CCSER1: variants seen among roughly 807,000 people sequenced by gnomAD.
The protein encoded by CCSER1 is serine-rich coiled-coil domain-containing protein 1.
Under a neutral mutation model 82.0 loss-of-function variants are expected in CCSER1, and 41 were observed. The ratio of observed to expected loss-of-function variants is 0.50; its 90% CI spans 0.39 to 0.65. The LOEUF is 0.65. Ranked by LOEUF, CCSER1 falls within the 30% of genes least tolerant of loss-of-function variation. The pLI, the probability that CCSER1 is intolerant of heterozygous loss-of-function variation, is 0.00. For synonymous variants in CCSER1, 414 were observed against 383.9 expected (o/e 1.08, Z -0.92); for missense variants, 1,119 against 1,064.2 (o/e 1.05, Z -0.72).
chr4:91,199,979 T>G lies in CCSER1; in HGVS notation c.2217+113985T>G, dbSNP rs936078386. Among the ~76,000 whole-genome samples, 12 of 152,040 alleles carry G rather than the reference T, an allele frequency of 7.9e-5. 1 individual carries two copies. The highest frequency in any genetic ancestry group is 1.8e-4 in the Non-Finnish European group (12 of 67,934). ...TATTTCAGATTCAGAGAATTGTCTT[T>G]TTTTAGTACTAATTAAAACATTCAA... On this transcript the variant is annotated intron_variant, in intron 10 of 10. Coordinates refer to ENST00000509176, the MANE Select transcript of CCSER1 (RefSeq NM_001145065.2).
chr4:91,020,896 A>T (rs1739898846), intron 9 of CCSER1, among the ~76,000 whole-genome samples: 1 of 152,150 alleles, frequency 6.6e-6, no homozygotes, highest in Non-Finnish European at 1.5e-5. Context: ...AAGGCGATCT[A>T]CTTACTATAC....
chr4:90,781,418 C>T (rs1250100832), intron 7 of CCSER1: 1 of 985,236 alleles, frequency 1.0e-6, no homozygotes, highest in African/African-American at 1.7e-5. Context: ...CTCTGTAATA[C>T]TAACCTAACT....
At chr4:90,715,884 T>G (rs1455752527) in intron 6 of CCSER1, among the ~76,000 whole-genome samples, 30 of 152,036 alleles carry the variant, frequency 2.0e-4, no homozygotes, top group Non-Finnish European at 4.4e-5. Context: ...GCAGAAAATA[T>G]AAGATTATTC....
intron 10 of CCSER1, among the ~76,000 whole-genome samples, chr4:91,399,964 G>A (rs1449720764): frequency 6.6e-6 from 1 of 151,870 alleles, no homozygotes; most frequent in Non-Finnish European, 1.5e-5. Flanking sequence ...TAGTTCTAAA[G>A]TCTGTATCAT....
At chr4:91,213,539 C>T (rs1208049214) in intron 10 of CCSER1, among the ~76,000 whole-genome samples, 2 of 151,724 alleles carry the variant, frequency 1.3e-5, no homozygotes, top group Non-Finnish European at 2.9e-5. Flanking sequence ...GTATGTTTGT[C>T]CTCTGTAAAG....
chr4:91,314,558 A>G (rs958271701), intron 10 of CCSER1, among the ~76,000 whole-genome samples: 7 of 152,042 alleles, frequency 4.6e-5, no homozygotes, highest in Admixed American at 1.3e-4. Context: ...GATGTATCCC[A>G]GACTAGCTCT....
intron 4 of CCSER1, among the ~76,000 whole-genome samples, chr4:90,457,915 G>T (rs113388076): frequency 6.6e-6 from 1 of 152,090 alleles, no homozygotes; most frequent in Non-Finnish European, 1.5e-5. Flanking sequence ...TCTCTTTGCC[G>T]TCCCTCCCAT....
At chr4:90,997,157 G>A (rs1737570907) in intron 9 of CCSER1, among the ~76,000 whole-genome samples, 1 of 152,110 alleles carries the variant, frequency 6.6e-6, no homozygotes, top group Non-Finnish European at 1.5e-5. Flanking sequence ...TCAAGGTGTG[G>A]GCAGGTTTGT....
At chr4:90,260,126 T>A (rs566742740) in intron 1 of CCSER1, among the ~76,000 whole-genome samples, 1 of 152,094 alleles carries the variant, frequency 6.6e-6, no homozygotes, top group Admixed American at 6.5e-5. Context: ...TTTAAAATTA[T>A]TGATTCAGTC....
intron 10 of CCSER1, among the ~76,000 whole-genome samples, chr4:91,433,193 A>T (rs1754432041): frequency 6.6e-6 from 1 of 152,194 alleles, no homozygotes; most frequent in Non-Finnish European, 1.5e-5. Context: ...AGATTTAGAA[A>T]GTATAGTCGT....
chr4:90,174,674 C>T lies in CCSER1; in HGVS notation c.-42+46843C>T, dbSNP rs10021997. Among the ~76,000 whole-genome samples, 1,083 of 151,988 alleles carry T rather than the reference C, an allele frequency of 7.1e-3. 8 individuals are homozygous for T. Among genetic ancestry groups the T allele is most frequent in the African/African-American group, 0.025 (1,044 of 41,490 alleles). On this transcript the variant is annotated intron_variant, in intron 1 of 10. Coordinates refer to ENST00000509176, the MANE Select transcript of CCSER1 (RefSeq NM_001145065.2). ...GAATGCTGACATGTGCAGAGGATCC[C>T]CTTTAGGTATTCTGCTGAATACTAA...
intron 7 of CCSER1, among the ~76,000 whole-genome samples, chr4:90,734,780 G>A (rs1189520691): frequency 3.3e-5 from 5 of 152,028 alleles, no homozygotes; most frequent in Non-Finnish European, 5.9e-5. Context: ...AGTATAATGT[G>A]GTTTCTTCCT....
chr4:90,151,028 C>G (rs912753780), intron 1 of CCSER1, among the ~76,000 whole-genome samples: 4 of 152,072 alleles, frequency 2.6e-5, no homozygotes, highest in Admixed American at 2.6e-4. Flanking sequence ...CAACCCTGCT[C>G]TGGCCTGACA....
intron 3 of CCSER1, among the ~76,000 whole-genome samples, chr4:90,320,382 C>T (rs1245383981): frequency 6.6e-6 from 1 of 152,152 alleles, no homozygotes; most frequent in Non-Finnish European, 1.5e-5. Context: ...GATGCATTGT[C>T]TGATAAAGCT....
At chr4:90,916,828 A>C (rs1727513902) in intron 8 of CCSER1, among the ~76,000 whole-genome samples, 1 of 152,208 alleles carries the variant, frequency 6.6e-6, no homozygotes, top group African/African-American at 2.4e-5. Context: ...AAAAAAATGA[A>C]CAACCCCATC....
intron 10 of CCSER1, among the ~76,000 whole-genome samples, chr4:91,448,910 A>G (rs1441794339): frequency 6.6e-6 from 1 of 152,120 alleles, no homozygotes; most frequent in Non-Finnish European, 1.5e-5. Context: ...AACTATAGAC[A>G]GTGATAAGAG....
intron 10 of CCSER1, among the ~76,000 whole-genome samples, chr4:91,250,100 C>G (rs1226389568): frequency 6.6e-6 from 1 of 151,754 alleles, no homozygotes; most frequent in Non-Finnish European, 1.5e-5. Flanking sequence ...TGTCCTTCAC[C>G]GGCTCCTGAA....
At chr4:90,139,180 C>T (rs1724262746) in intron 1 of CCSER1, among the ~76,000 whole-genome samples, 1 of 152,152 alleles carries the variant, frequency 6.6e-6, no homozygotes, top group Non-Finnish European at 1.5e-5. Context: ...CAAAAAGGGA[C>T]TAAGTCATCA....
intron 7 of CCSER1, among the ~76,000 whole-genome samples, chr4:90,732,019 AT>A (rs1205404621): frequency 2.1e-5 from 2 of 96,314 alleles, no homozygotes; most frequent in African/African-American, 9.9e-5. Flanking sequence ...CACTGTACCT[AT>A]TGGGATTTCT....
Sources: gnomAD v4.1 joint callset for allele counts (sites outside exome capture counted in the v4.1 genomes callset) on GRCh38, gnomAD v4.1.1 for gene constraint, MANE v1.5 for transcripts, NCBI Gene and HGNC (gene_info 2026-07-23, HGNC 2026-07-21) for gene names.